CDH18: variants seen among roughly 807,000 people sequenced by gnomAD.
CDH18 encodes cadherin 18.
In CDH18, 31 loss-of-function variants were observed where a neutral mutation model predicts 67.9. The observed-to-expected ratio is 0.46, with a 90% CI of 0.34 to 0.62. The LOEUF (loss-of-function observed/expected upper bound fraction) is 0.62. CDH18 is among the 20% of genes least tolerant of loss of function. The pLI is 0.01. For missense variants in CDH18, 890 were observed against 975.5 expected, an observed-to-expected ratio of 0.91 and a Z score of 1.17; for synonymous variants, 362 against 347.2, an observed-to-expected ratio of 1.04 and a Z score of -0.48.
chr5:20,493,393 A>ATT (rs66515364), intron 1 of CDH18, among the ~76,000 whole-genome samples: 12 of 118,120 alleles, frequency 1.0e-4, no homozygotes, highest in South Asian at 2.8e-4. Flanking sequence ...AAAGCAAAGA[A>ATT]TTTTTTGTTT....
At chr5:20,177,514 T>A (rs1003366844) in intron 2 of CDH18, among the ~76,000 whole-genome samples, 2 of 152,282 alleles carry the variant, frequency 1.3e-5, no homozygotes, top group South Asian at 2.1e-4. Context: ...TGAGTTGTGA[T>A]GGTTAATTTT....
intron 5 of CDH18, among the ~76,000 whole-genome samples, chr5:19,631,994 C>A (rs912433139): frequency 6.6e-6 from 1 of 152,148 alleles, no homozygotes; most frequent in Admixed American, 6.5e-5. Context: ...TTGGTTCCAC[C>A]ATTTCCTTAC....
chr5:20,324,135 A>G (rs1030452402), intron 1 of CDH18, among the ~76,000 whole-genome samples: 1 of 152,186 alleles, frequency 6.6e-6, no homozygotes, highest in Admixed American at 6.5e-5. Context: ...CCAACCCACC[A>G]CCACTCAATG....
At chr5:20,548,591 C>G (rs1034360950) in intron 1 of CDH18, among the ~76,000 whole-genome samples, 2 of 152,052 alleles carry the variant, frequency 1.3e-5, no homozygotes, top group South Asian at 4.1e-4. Context: ...GTTGTTCTTT[C>G]CACATTTGCC....
chr5:20,192,264 A>G (rs913893782), intron 2 of CDH18, among the ~76,000 whole-genome samples: 1 of 150,976 alleles, frequency 6.6e-6, no homozygotes, highest in African/African-American at 2.4e-5. Flanking sequence ...TCTTTGTCAT[A>G]TGGGTAGATT....
chr5:19,821,517 G>A (rs1779878958), intron 3 of CDH18, among the ~76,000 whole-genome samples: 2 of 152,000 alleles, frequency 1.3e-5, no homozygotes, highest in Non-Finnish European at 2.9e-5. Context: ...GAGACAGTAA[G>A]CAACTTGGAA....
At chr5:19,973,846 G>A (rs534387776) in intron 2 of CDH18, among the ~76,000 whole-genome samples, 1 of 151,896 alleles carries the variant, frequency 6.6e-6, no homozygotes, top group Non-Finnish European at 1.5e-5. Flanking sequence ...TTGAGGTGAT[G>A]GCAAGAATTT....
At chr5:20,510,923 C>T (rs1344236897) in intron 1 of CDH18, among the ~76,000 whole-genome samples, 2 of 152,034 alleles carry the variant, frequency 1.3e-5, no homozygotes, top group Non-Finnish European at 2.9e-5. Flanking sequence ...GACAAAACAC[C>T]GATGTTGCCG....
rs573368595 is a variant in CDH18, at chr5:20,547,903, A to T, written c.-580+27559T>A. ...CCTATATTCAATTTCATCTCTTTAC[A>T]GATATAAAATATAAAATAAGAAAAA... On this transcript the variant is annotated intron_variant, in intron 1 of 14. Coordinates refer to the CDH18 transcript ENST00000507958. 3.3e-5 allele frequency among the ~76,000 whole-genome samples: 5 copies of T among 152,150 alleles called. No homozygotes were observed. In the South Asian group the frequency reaches 1.0e-3, roughly 32 times the overall value.
chr5:19,851,682 C>G (rs1404610992), intron 2 of CDH18, among the ~76,000 whole-genome samples: 1 of 151,662 alleles, frequency 6.6e-6, no homozygotes, highest in Non-Finnish European at 1.5e-5. Flanking sequence ...TACCACATAC[C>G]ACATATTGTA....
intron 1 of CDH18, among the ~76,000 whole-genome samples, chr5:20,471,946 G>GTGTC (rs1008610223): frequency 0.059 from 6 of 102 alleles, no homozygotes; most frequent in Non-Finnish European, 0.18. Context: ...ATACTCCTGG[G>GTGTC]TGTCTGTCTA....
chr5:19,813,486 T>C (rs1335515979), intron 3 of CDH18, among the ~76,000 whole-genome samples: 4 of 152,026 alleles, frequency 2.6e-5, no homozygotes, highest in African/African-American at 9.7e-5. Flanking sequence ...AATCTTTTTA[T>C]CAGAATTTTA....
At chr5:20,183,721 T>C (rs1188814716) in intron 2 of CDH18, among the ~76,000 whole-genome samples, 3 of 152,112 alleles carry the variant, frequency 2.0e-5, no homozygotes, top group South Asian at 2.1e-4. Flanking sequence ...ACTAGACTTT[T>C]AGCTCCTAGG....
In CDH18 at chr5:19,987,001, T is replaced by C. The variant is rs188801048; in HGVS notation, c.-376+1085A>G. 1.4e-4 allele frequency among the ~76,000 whole-genome samples: 21 copies of C among 152,304 alleles called. 1 individual carries two copies. In the South Asian group the frequency reaches 1.5e-3, roughly 11 times the overall value. On this transcript the variant is annotated intron_variant, in intron 1 of 12. Coordinates refer to ENST00000382275, the MANE Select transcript of CDH18 (RefSeq NM_004934.5). ...GCTGCATAACAAAATCTTCCTCTGA[T>C]CTGTCTCTCGGCTCAAAGCAGTGAT...
intron 2 of CDH18, among the ~76,000 whole-genome samples, chr5:20,107,264 C>A (rs533724458): frequency 9.4e-4 from 143 of 151,968 alleles, no homozygotes; most frequent in Non-Finnish European, 1.7e-3. Context: ...AGTAGAGACA[C>A]GGGGTTTCAC....
chr5:20,087,975 C>A (rs1167899850), intron 2 of CDH18, among the ~76,000 whole-genome samples: 1 of 152,138 alleles, frequency 6.6e-6, no homozygotes, highest in African/African-American at 2.4e-5. Flanking sequence ...TGTATATAAT[C>A]TGCCACAATA....
At chr5:20,242,622 A>ATGTATATATATATACATATATATG (rs1743046581) in intron 2 of CDH18, among the ~76,000 whole-genome samples, 18 of 106,938 alleles carry the variant, frequency 1.7e-4, no homozygotes, top group South Asian at 8.4e-4. Flanking sequence ...ATATATATAT[A>ATGTATATATATATACATATATATG]TATATATATA....
chr5:19,710,568 A>T (rs1159864309), intron 5 of CDH18, among the ~76,000 whole-genome samples: 2 of 152,168 alleles, frequency 1.3e-5, no homozygotes, highest in African/African-American at 4.8e-5. Context: ...GCTCTGAAAT[A>T]CTACTGTTTT....
chr5:20,498,762 G>A (rs947202082), intron 1 of CDH18, among the ~76,000 whole-genome samples: 1 of 151,924 alleles, frequency 6.6e-6, no homozygotes, highest in African/African-American at 2.4e-5. Context: ...AAGTGAGCTT[G>A]TAATAATACG....
Sources: allele counts gnomAD v4.1 joint callset (sites outside exome capture counted in the v4.1 genomes callset), GRCh38; gene constraint gnomAD v4.1.1; transcripts MANE v1.5; gene names NCBI Gene and HGNC (gene_info 2026-07-23, HGNC 2026-07-21).